LAMB4: variants seen among roughly 807,000 people sequenced by gnomAD.
The protein encoded by LAMB4 is laminin subunit beta-4.
LAMB4 carries 196 observed loss-of-function variants against 199.2 expected under a neutral mutation model. That is an observed-to-expected ratio of 0.98 (90% CI 0.88 to 1.11). The LOEUF (loss-of-function observed/expected upper bound fraction) is 1.11. Ranked by LOEUF, LAMB4 falls within the 50% of genes least tolerant of loss-of-function variation. The probability of loss-of-function intolerance (pLI) is 0.00; values close to 1 mark genes in which losing one functional copy is unlikely to be tolerated. For missense variants in LAMB4, 2,080 were observed against 2,171.2 expected, an observed-to-expected ratio of 0.96 and a Z score of 0.83; for synonymous variants, 744 against 770.6, an observed-to-expected ratio of 0.97 and a Z score of 0.57.
intron 17 of LAMB4, among the ~76,000 whole-genome samples, chr7:108,073,195 G>A (rs1259404216): frequency 2.0e-5 from 3 of 152,274 alleles, no homozygotes; most frequent in South Asian, 2.1e-4. Flanking sequence ...TAGTAGAGAC[G>A]GGGTTTTGCC....
At position 108,103,151 on chromosome 7, in the gene LAMB4, A is replaced by G. The variant is rs763456236; in HGVS notation, c.1073T>C (p.Val358Ala). The G allele has an allele frequency of 2.7e-5, 44 of 1,611,184 alleles. No homozygotes were observed. In the South Asian group the frequency reaches 4.9e-4, roughly 18 times the overall value. Residue 358 changes from valine (V) to alanine (A), a missense_variant, in exon 10 of 34, where the codon GTG becomes GCG. Transcript: ENST00000388781. ...AGTGTTGTGCTGGCAGTCTTCACAC[A>G]CGCCCCCGCTGAGGCCACCGCTTGC... ...YLASGGLSGGVCEDCQHNTEG... is the reference protein window; with the variant it reads ...YLASGGLSGGACEDCQHNTEG...
At chr7:108,076,105 A>T (rs980702658) in intron 17 of LAMB4, among the ~76,000 whole-genome samples, 4 of 152,180 alleles carry the variant, frequency 2.6e-5, no homozygotes, top group African/African-American at 9.6e-5. Context: ...AGTAATATAT[A>T]TCAAATATAT....
intron 25 of LAMB4, among the ~76,000 whole-genome samples, chr7:108,054,217 G>A (rs553714969): frequency 6.6e-5 from 10 of 152,164 alleles, no homozygotes; most frequent in Middle Eastern, 3.4e-3. Flanking sequence ...GGATTACAGG[G>A]GAAAGCCACT....
chr7:108,101,050 A>G (rs1302762018), intron 10 of LAMB4, among the ~76,000 whole-genome samples: 5 of 152,220 alleles, frequency 3.3e-5, no homozygotes, highest in Admixed American at 2.0e-4. Context: ...TACACTGTAT[A>G]AGACTTCATT....
At chr7:108,089,604 T>C (rs888363809) in intron 14 of LAMB4, among the ~76,000 whole-genome samples, 45 of 152,232 alleles carry the variant, frequency 3.0e-4, no homozygotes, top group African/African-American at 1.1e-3. Flanking sequence ...ATACCATCCT[T>C]AGCCTGGAGC....
chr7:108,129,126 A>G (rs1185992045), intron 1 of LAMB4, among the ~76,000 whole-genome samples: 1 of 152,210 alleles, frequency 6.6e-6, no homozygotes, highest in Non-Finnish European at 1.5e-5. Flanking sequence ...GAAGGCTGCA[A>G]AGAGTTTACT....
chr7:108,123,050 G>T, intron 2 of LAMB4, 81 bp downstream of exon 2: 1 of 1,246,136 alleles, frequency 8.0e-7, no homozygotes, highest in Non-Finnish European at 1.1e-6. Context: ...GAAGACAGAA[G>T]TGAATATGTT....
intron 10 of LAMB4, among the ~76,000 whole-genome samples, chr7:108,102,016 T>C (rs950885799): frequency 5.3e-5 from 8 of 152,182 alleles, no homozygotes; most frequent in African/African-American, 7.2e-5. Context: ...TGAGTGGCCA[T>C]TGGCACACTC....
At chr7:108,065,105 G>T (rs2036290806) in intron 21 of LAMB4, among the ~76,000 whole-genome samples, 1 of 151,986 alleles carries the variant, frequency 6.6e-6, no homozygotes, top group African/African-American at 2.4e-5. Context: ...ACAGGGTCTT[G>T]CTTTGCGGCC....
At chr7:108,127,992 G>A (rs2038853474) in intron 1 of LAMB4, among the ~76,000 whole-genome samples, 1 of 152,106 alleles carries the variant, frequency 6.6e-6, no homozygotes, top group Admixed American at 6.5e-5. Flanking sequence ...TAAGGAATCC[G>A]GGAGTAGCCA....
chr7:108,055,563 T>A, intron 25 of LAMB4, 69 bp downstream of exon 25: 2 of 1,439,636 alleles, frequency 1.4e-6, no homozygotes, highest in Non-Finnish European at 1.9e-6. Flanking sequence ...AGGCTGACGA[T>A]GTTAAAGCTT....
At chr7:108,079,864 GCAC>G in intron 14 of LAMB4, 78 bp from the exon 15 acceptor site, 1 of 1,009,022 alleles carries the variant, frequency 9.9e-7, no homozygotes, top group Non-Finnish European at 1.4e-6. Context: ...GTCCCCCACT[GCAC>G]CACCCCCTGT....
chr7:108,055,861 G>T lies in LAMB4; in HGVS notation c.3526C>A (p.His1176Asn). 6.2e-7 allele frequency: 1 copy of T among 1,614,180 alleles called. No homozygotes were observed. The highest frequency in any genetic ancestry group is 8.5e-7 in the Non-Finnish European group (1 of 1,180,034). ...TGGTCCCACTGATCAAAGCACAAGT[G>T]ACATTGAAGACAAGTAGGGAATTCC... ...SQEFPTCLQCHLCFDQWDHTI... is the reference protein window; with the variant it reads ...SQEFPTCLQCNLCFDQWDHTI... The change falls in exon 25 of 34, where the codon CAC (histidine) becomes AAC (asparagine). Residue 1176 changes from histidine to asparagine, a missense_variant. By Grantham distance (68) the His-to-Asn change is moderately conservative. Coordinates refer to ENST00000388781, the MANE Select transcript of LAMB4 (RefSeq NM_007356.3).
intron 23 of LAMB4, among the ~76,000 whole-genome samples, chr7:108,058,810 C>T (rs186469031): frequency 1.3e-5 from 2 of 152,136 alleles, no homozygotes; most frequent in African/African-American, 4.8e-5. Context: ...GTGTGCACCA[C>T]CACACCCGGC....
rs2036854479 is a variant in LAMB4 at position 108,079,701 on chromosome 7, G to A, written c.1787C>T (p.Pro596Leu). ...CCCAGGGAGAACCCTGGCAAATCCAGGTCCAGTCCATGTAACAGGGTTCCC... is the reference window on the plus strand; with the variant it reads ...CCCAGGGAGAACCCTGGCAAATCCAAGTCCAGTCCATGTAACAGGGTTCCC... ...VPGNPVTWTG[P>L]GFARVLPGAG... Residue 596 changes from proline to leucine, a missense_variant, in exon 15 of 34, where the codon CCT becomes CTT. Coordinates refer to ENST00000388781, the MANE Select transcript of LAMB4 (RefSeq NM_007356.3). 1 of 1,612,560 alleles carries A rather than the reference G, an allele frequency of 6.2e-7. No homozygotes were observed. Among genetic ancestry groups the A allele is most frequent in the Non-Finnish European group, 8.5e-7 (1 of 1,179,518 alleles).
At chr7:108,094,430 C>G (rs1398410569) in intron 12 of LAMB4, among the ~76,000 whole-genome samples, 3 of 152,146 alleles carry the variant, frequency 2.0e-5, no homozygotes, top group Non-Finnish European at 4.4e-5. Flanking sequence ...TTTCCCCCAC[C>G]CCCTCTGCCC....
At chr7:108,076,910 G>A (rs776370530) in intron 17 of LAMB4, 34 bp downstream of exon 17, 22 of 1,608,772 alleles carry the variant, frequency 1.4e-5, no homozygotes, top group Non-Finnish European at 1.6e-5. Context: ...GCTTAGTAGC[G>A]AAGAAAGCAC....
At position 108,105,932 on chromosome 7, in the gene LAMB4, T is replaced by C. The variant is rs768815766; in HGVS notation, c.755A>G (p.Tyr252Cys). 3.1e-6 allele frequency: 5 copies of C among 1,614,218 alleles called. No individual in the cohort carries two copies. The highest frequency in any genetic ancestry group is 4.2e-6 in the Non-Finnish European group (5 of 1,180,006). Residue 252 changes from tyrosine (Y) to cysteine (C), a missense_variant, in exon 8 of 34, where the codon TAC becomes TGC. Physicochemically the swap from Tyr to Cys is radical, Grantham distance 194. Coordinates refer to ENST00000388781, the MANE Select transcript of LAMB4 (RefSeq NM_007356.3). Reference protein sequence around the residue: ...GRRQNDSLDKYYYALYEMIVR... With the variant: ...GRRQNDSLDKCYYALYEMIVR... Reference sequence around the variant, plus strand: ...AATCATCTCGTACAGAGCATAGTAGTATTTATCAAGGGAATCATTTTGCCT... The same window carrying C: ...AATCATCTCGTACAGAGCATAGTAGCATTTATCAAGGGAATCATTTTGCCT...
Position 108,031,080 on chromosome 7 carries a change from G to C in LAMB4, c.4819-101C>G, listed in dbSNP as rs1189583655. 3.4e-6 allele frequency: 3 copies of C among 878,806 alleles called. No individual in the cohort carries two copies. In the Admixed American group the frequency reaches 9.3e-5, roughly 27 times the overall value. The allele number at this position is 878,806 out of a possible 1,614,324, so 54.4% of individuals were successfully genotyped here. A position where few individuals can be genotyped will look rare whatever the true frequency, so the allele number is the denominator to read the frequency against. On this transcript the variant is annotated intron_variant, in intron 31 of 33. Transcript: ENST00000388781. ...CTTGAAAAATATGCTGGGTGTAAAGGAAAAGAAAATAGTGCCTCCACTTTT... is the reference window on the plus strand; with the variant it reads ...CTTGAAAAATATGCTGGGTGTAAAGCAAAAGAAAATAGTGCCTCCACTTTT...
Sources: gnomAD v4.1 joint callset for allele counts (sites outside exome capture counted in the v4.1 genomes callset) on GRCh38, gnomAD v4.1.1 for gene constraint, MANE v1.5 for transcripts, NCBI Gene and HGNC (gene_info 2026-07-23, HGNC 2026-07-21) for gene names.